Variants in CFAP43 observed in about 807,000 individuals in gnomAD.
The protein encoded by CFAP43 is cilia- and flagella-associated protein 43.
CFAP43 carries 155 observed loss-of-function variants against 218.9 expected under a neutral mutation model. The ratio of observed to expected loss-of-function variants is 0.71; its 90% CI spans 0.62 to 0.81. The LOEUF (loss-of-function observed/expected upper bound fraction) is 0.81, where lower values mean the gene tolerates loss of function less well. Ranked by LOEUF, CFAP43 falls within the 30% of genes least tolerant of loss-of-function variation. The pLI is 0.00. For synonymous variants in CFAP43, 645 were observed against 681.3 expected (o/e 0.95, Z 0.83); for missense variants, 1,778 against 1,954.3 (o/e 0.91, Z 1.70).
intron 18 of CFAP43, 127 bp from the exon 19 acceptor site, chr10:104,179,233 C>CATGAAGTA (rs1450889410): frequency 1.4e-6 from 1 of 724,634 alleles, no homozygotes; most frequent in East Asian, 2.7e-5. Flanking sequence ...ATAAAGTGTA[C>CATGAAGTA]ATGAAGTAAT....
intron 3 of CFAP43, among the ~76,000 whole-genome samples, chr10:104,221,782 T>C (rs2091188526): frequency 6.6e-6 from 1 of 152,074 alleles, no homozygotes; most frequent in Non-Finnish European, 1.5e-5. Flanking sequence ...TTTCAGTCTC[T>C]TTCTTTAAAA....
At chr10:104,136,238 G>A (rs1490682016) in intron 34 of CFAP43, among the ~76,000 whole-genome samples, 21 of 98,114 alleles carry the variant, frequency 2.1e-4, no homozygotes, top group East Asian at 6.6e-4. Context: ...GAGACAGAGC[G>A]AGAATCCATT....
rs2089167077 is a variant in CFAP43, at chr10:104,166,596, G to T, written c.2931C>A (p.Tyr977Ter). 2 of 1,613,982 alleles carry T rather than the reference G, an allele frequency of 1.2e-6. No individual in the cohort carries two copies. The highest frequency in any genetic ancestry group is 3.3e-5 in the Admixed American group (2 of 60,006). ...AATCAGTACTCAGACTACCAAGCAG[G>T]TAATTGGGCAAATTGCTATATTTTA... is the stretch of plus-strand genomic sequence containing the variant. Reference protein sequence around the residue: ...KTVKYSNLPNYLLGSLSTDFG... With the variant: ...KTVKYSNLPN The change falls in exon 23 of 38, where the codon TAC becomes TAA. Residue 977 changes from tyrosine to a stop codon, truncating the protein, a stop_gained. Coordinates refer to ENST00000357060, the MANE Select transcript of CFAP43 (RefSeq NM_025145.7). LOFTEE classifies it high-confidence loss of function.
At chr10:104,209,627 T>C (rs572582425) in intron 5 of CFAP43, among the ~76,000 whole-genome samples, 6 of 152,360 alleles carry the variant, frequency 3.9e-5, no homozygotes, top group Non-Finnish European at 8.8e-5. Flanking sequence ...GTTATGTTTG[T>C]ACAAAATGTG....
chr10:104,169,391 TC>T (rs1458019395), intron 20 of CFAP43, among the ~76,000 whole-genome samples: 1 of 152,192 alleles, frequency 6.6e-6, no homozygotes, highest in African/African-American at 2.4e-5. Context: ...ATTATTTACA[TC>T]CACAATAAAA....
chr10:104,183,181 C>T (rs937441968), intron 16 of CFAP43, among the ~76,000 whole-genome samples: 1 of 152,158 alleles, frequency 6.6e-6, no homozygotes, highest in Non-Finnish European at 1.5e-5. Flanking sequence ...GACGCATCAG[C>T]ATCACTGGGA....
intron 37 of CFAP43, among the ~76,000 whole-genome samples, chr10:104,130,998 CAAAAAAAAAAAAA>C (rs1163188252): frequency 8.8e-5 from 5 of 56,718 alleles, no homozygotes; most frequent in African/African-American, 3.0e-4. Flanking sequence ...CACCCTGTCT[CAAAAAAAAAAAAA>C]AAAAAAAAAA....
chr10:104,141,620 A>G (rs905810047), intron 33 of CFAP43, among the ~76,000 whole-genome samples: 1 of 152,184 alleles, frequency 6.6e-6, no homozygotes, highest in Non-Finnish European at 1.5e-5. Flanking sequence ...CAAAATAAAT[A>G]AATAAATAAA....
intron 2 of CFAP43, among the ~76,000 whole-genome samples, chr10:104,229,753 T>C (rs1428684108): frequency 6.6e-6 from 1 of 152,212 alleles, no homozygotes; most frequent in East Asian, 1.9e-4. Flanking sequence ...ATTATATATT[T>C]TCATCTATCA....
chr10:104,179,989 T>C (rs2089772488), intron 17 of CFAP43, 57 bp from the exon 18 acceptor site: 1 of 1,398,762 alleles, frequency 7.1e-7, no homozygotes, highest in Non-Finnish European at 1.0e-6. Flanking sequence ...ATCAAGTTTT[T>C]CCCCTCCCAC....
At chr10:104,183,220 C>T (rs1333006014) in intron 16 of CFAP43, among the ~76,000 whole-genome samples, 2 of 152,208 alleles carry the variant, frequency 1.3e-5, no homozygotes, top group African/African-American at 4.8e-5. Flanking sequence ...CTGGGCCCCA[C>T]TTGCAGACAT....
intron 5 of CFAP43, among the ~76,000 whole-genome samples, chr10:104,211,436 T>C (rs963320793): frequency 6.6e-6 from 1 of 152,176 alleles, no homozygotes; most frequent in Non-Finnish European, 1.5e-5. Context: ...AATGGGTGTG[T>C]AACACCTGGC....
Position 104,166,474 on chromosome 10 carries a change from G to A in CFAP43, c.3039+14C>T, listed in dbSNP as rs761476876. 6.3e-7 allele frequency: 1 copy of A among 1,597,980 alleles called. No individual in the cohort carries two copies. Among genetic ancestry groups the A allele is most frequent in the Non-Finnish European group, 8.5e-7 (1 of 1,170,406 alleles). On this transcript the variant is annotated intron_variant, in intron 23 of 37. Transcript: ENST00000357060. Reference sequence around the variant, plus strand: ...GTCTAGAGATTTTTCAGGATAAAAAGAAAATTGACCCACTTTCAATAATAT... The same window carrying A: ...GTCTAGAGATTTTTCAGGATAAAAAAAAAATTGACCCACTTTCAATAATAT...
At chr10:104,196,122 T>C (rs2090374847) in intron 10 of CFAP43, among the ~76,000 whole-genome samples, 1 of 152,186 alleles carries the variant, frequency 6.6e-6, no homozygotes, top group Non-Finnish European at 1.5e-5. Context: ...GGTTGGCACC[T>C]GTGGTATCTG....
chr10:104,185,042 A>G lies in CFAP43; in HGVS notation c.2115T>C (p.Asp705=). The change falls in exon 16 of 38, where the codon GAT becomes GAC. Residue 705 remains aspartate (D), a synonymous_variant. Coordinates refer to ENST00000357060, the MANE Select transcript of CFAP43 (RefSeq NM_025145.7). Reference sequence around the variant, plus strand: ...TCCACTTTAGGTAGACAAGGGTGCCATCATCTCTCCCATTCACCAGAATGT... The same window carrying G: ...TCCACTTTAGGTAGACAAGGGTGCCGTCATCTCTCCCATTCACCAGAATGT... ...GQNILVNGRD[D]GTLVYLKWKR... is the part of the protein sequence containing the mutation. The G allele has an allele frequency of 6.2e-7, 1 of 1,614,162 alleles. No homozygotes were observed. Among genetic ancestry groups the G allele is most frequent in the East Asian group, 2.2e-5 (1 of 44,874 alleles).
At chr10:104,226,247 T>C (rs1035288348) in intron 2 of CFAP43, among the ~76,000 whole-genome samples, 3 of 152,238 alleles carry the variant, frequency 2.0e-5, no homozygotes, top group Admixed American at 2.0e-4. Flanking sequence ...AGTCTGTCTT[T>C]GTATGTTTGT....
rs759867883 is a variant in CFAP43 at position 104,203,753 on chromosome 10, C to T, written c.1014G>A (p.Glu338=). Residue 338 remains glutamate, a synonymous_variant, in exon 8 of 38, where the codon GAG becomes GAA. Transcript: ENST00000357060. ...FIIKDRSYMI[E]DFLEIERPVE... is the part of the protein sequence containing the mutation. The stretch of plus-strand genomic sequence containing the variant: ...CAGGTCTTTCAATCTCAAGAAAATC[C>T]TCGATCATGTAACTTCTATCTTTAA... The T allele has an allele frequency of 6.2e-7, 1 of 1,610,452 alleles. No individual in the cohort carries two copies. The highest frequency in any genetic ancestry group is 8.5e-7 in the Non-Finnish European group (1 of 1,178,530).
intron 12 of CFAP43, among the ~76,000 whole-genome samples, chr10:104,189,001 G>T (rs943439789): frequency 2.6e-5 from 4 of 152,144 alleles, no homozygotes; most frequent in African/African-American, 9.7e-5. Flanking sequence ...CAGGCGGTCA[G>T]CAGATGACCT....
At chr10:104,132,956 T>G (rs904245036) in intron 35 of CFAP43, 1 of 234,284 alleles carries the variant, frequency 4.3e-6, no homozygotes, top group Non-Finnish European at 7.0e-6. Context: ...TGTAATGAGA[T>G]GGAATTTCTC....
Sources: gnomAD v4.1 joint callset for allele counts (sites outside exome capture counted in the v4.1 genomes callset) on GRCh38, gnomAD v4.1.1 for gene constraint, MANE v1.5 for transcripts, NCBI Gene and HGNC (gene_info 2026-07-23, HGNC 2026-07-21) for gene names.